Variants in SPAG16 observed in about 807,000 individuals in gnomAD.
SPAG16 encodes the protein sperm-associated antigen 16 protein.
SPAG16 carries 86 observed loss-of-function variants against 80.4 expected under a neutral mutation model. The ratio of observed to expected loss-of-function variants is 1.07; its 90% CI spans 0.90 to 1.28. SPAG16 has a LOEUF of 1.28. Among genes scored for constraint, SPAG16 ranks in the 50% most tolerant of loss-of-function variants. The pLI is 0.00. For missense variants in SPAG16, 870 were observed against 765.3 expected (o/e 1.14, Z -1.61); for synonymous variants, 294 against 265.9 (o/e 1.11, Z -1.03).
chr2:213,926,455 C>T (rs926767862), intron 11 of SPAG16, among the ~76,000 whole-genome samples: 3 of 152,038 alleles, frequency 2.0e-5, no homozygotes, highest in Non-Finnish European at 2.9e-5. Flanking sequence ...TTTGCAGCCT[C>T]GTAGCTTAAC....
intron 10 of SPAG16, among the ~76,000 whole-genome samples, chr2:213,713,568 G>A (rs2125368083): frequency 6.6e-6 from 1 of 152,294 alleles, no homozygotes. Context: ...AGCCACTTTA[G>A]GGCGTCAATG....
chr2:214,216,129 G>A (rs2058425932), intron 15 of SPAG16, among the ~76,000 whole-genome samples: 1 of 152,168 alleles, frequency 6.6e-6, no homozygotes, highest in South Asian at 2.1e-4. Context: ...CAGAAGGTTG[G>A]AGAAAGCATT....
intron 15 of SPAG16, among the ~76,000 whole-genome samples, chr2:214,220,382 C>CTG (rs1424138366): frequency 6.6e-6 from 1 of 151,988 alleles, no homozygotes; most frequent in Non-Finnish European, 1.5e-5. Context: ...TGAAGATTAC[C>CTG]AAGGTACTGT....
intron 14 of SPAG16, among the ~76,000 whole-genome samples, chr2:214,147,704 C>T (rs1051722201): frequency 1.3e-5 from 2 of 152,172 alleles, no homozygotes; most frequent in East Asian, 3.9e-4. Flanking sequence ...TCCAAGTTCT[C>T]CATGTTCCTT....
At chr2:213,366,141 C>CAAA (rs759352187) in intron 8 of SPAG16, among the ~76,000 whole-genome samples, 1 of 82,530 alleles carries the variant, frequency 1.2e-5, no homozygotes, top group Admixed American at 1.4e-4. Context: ...GACTCCGTCT[C>CAAA]AAAAAAAAAA....
intron 12 of SPAG16, 77 bp downstream of exon 12, chr2:213,930,222 T>G (rs2078689295): frequency 8.7e-7 from 1 of 1,149,532 alleles, no homozygotes; most frequent in Non-Finnish European, 1.2e-6. Context: ...TTCTTTTTTT[T>G]TTTTCCTTGA....
At chr2:213,629,496 A>G (rs780616162) in intron 10 of SPAG16, among the ~76,000 whole-genome samples, 1 of 152,258 alleles carries the variant, frequency 6.6e-6, no homozygotes, top group Non-Finnish European at 1.5e-5. Context: ...CAAGGAGAGA[A>G]TCCTGATTGG....
chr2:213,847,697 C>G (rs1251573928), intron 10 of SPAG16, among the ~76,000 whole-genome samples: 4 of 152,044 alleles, frequency 2.6e-5, no homozygotes, highest in Admixed American at 2.6e-4. Context: ...ATTCTTATGC[C>G]TACATAAGTT....
At chr2:213,818,420 T>C (rs2072706204) in intron 10 of SPAG16, among the ~76,000 whole-genome samples, 1 of 152,174 alleles carries the variant, frequency 6.6e-6, no homozygotes, top group Non-Finnish European at 1.5e-5. Flanking sequence ...CTGTAATGTT[T>C]CCTGAAGTCT....
rs781642998 is a variant in SPAG16 at position 214,270,885 on chromosome 2, C to T, written c.1720+121619C>T. Among the ~76,000 whole-genome samples the T allele has an allele frequency of 1.3e-5, 2 of 152,100 alleles. 1 individual carries two copies. ...TCACAGGATGTGTCACAATAATGAT[C>T]ATATTCAGTAGCTGTCTTCTAAAAC... is the stretch of plus-strand genomic sequence containing the variant. On this transcript the variant is annotated intron_variant, in intron 15 of 15. Coordinates refer to ENST00000331683, the MANE Select transcript of SPAG16 (RefSeq NM_024532.5).
intron 10 of SPAG16, among the ~76,000 whole-genome samples, chr2:213,557,417 T>A (rs192735932): frequency 1.6e-3 from 236 of 152,136 alleles, no homozygotes; most frequent in Non-Finnish European, 2.8e-3. Flanking sequence ...TACATTTTCA[T>A]GATGGATAAT....
At chr2:213,969,840 G>A (rs539551550) in intron 12 of SPAG16, among the ~76,000 whole-genome samples, 1 of 152,066 alleles carries the variant, frequency 6.6e-6, no homozygotes, top group South Asian at 2.1e-4. Context: ...ACACCCTTTA[G>A]CCACTATGCT....
intron 9 of SPAG16, among the ~76,000 whole-genome samples, chr2:213,438,585 A>G (rs116148664): frequency 0.015 from 2,231 of 149,774 alleles, 23 homozygotes; most frequent in South Asian, 0.038. Flanking sequence ...GATGTTTACT[A>G]CTGTTCTAGG....
intron 15 of SPAG16, among the ~76,000 whole-genome samples, chr2:214,228,671 C>T (rs1688467320): frequency 6.6e-6 from 1 of 151,818 alleles, no homozygotes; most frequent in African/African-American, 2.4e-5. Context: ...AGGGCCCAGC[C>T]ATCAGTATTT....
chr2:214,009,201 A>T (rs567719916), intron 12 of SPAG16, among the ~76,000 whole-genome samples: 1 of 152,120 alleles, frequency 6.6e-6, no homozygotes, highest in African/African-American at 2.4e-5. Context: ...AACTACTGCC[A>T]TTCCCAGCTC....
intron 15 of SPAG16, among the ~76,000 whole-genome samples, chr2:214,249,765 T>A (rs879676247): frequency 2.6e-5 from 4 of 152,164 alleles, no homozygotes; most frequent in Non-Finnish European, 4.4e-5. Flanking sequence ...TTTAAATTTT[T>A]AAAATTATAA....
rs533877059 is a variant in SPAG16 at position 214,259,817 on chromosome 2, T to G, written c.1720+110551T>G. ...TGTGTGTTTGCATTTGTCTTCTAAG[T>G]GAACTCCTGAATTATCCAGCTGCGT... On this transcript the variant is annotated intron_variant, in intron 15 of 15. Transcript: ENST00000331683. Among the ~76,000 whole-genome samples the G allele has an allele frequency of 1.8e-4, 28 of 152,292 alleles. 1 individual carries two copies. The highest frequency in any genetic ancestry group is 6.0e-4 in the African/African-American group (25 of 41,552).
chr2:213,630,383 C>CAA (rs926318146), intron 10 of SPAG16, among the ~76,000 whole-genome samples: 3 of 109,800 alleles, frequency 2.7e-5, no homozygotes, highest in Non-Finnish European at 3.9e-5. Flanking sequence ...GACTCCATCT[C>CAA]AAAAAAAAAA....
At chr2:214,052,800 A>G (rs1287253764) in intron 13 of SPAG16, among the ~76,000 whole-genome samples, 2 of 152,188 alleles carry the variant, frequency 1.3e-5, no homozygotes, top group Admixed American at 6.6e-5. Context: ...GTTCCATCAA[A>G]AAAATGAATA....
Sources: allele counts gnomAD v4.1 joint callset (sites outside exome capture counted in the v4.1 genomes callset), GRCh38; gene constraint gnomAD v4.1.1; transcripts MANE v1.5; gene names NCBI Gene and HGNC (gene_info 2026-07-23, HGNC 2026-07-21).